Variants in MMP13 observed in about 807,000 individuals in gnomAD.
MMP13 encodes matrix metallopeptidase 13, also known as collagenase 3.
Under a neutral mutation model 52.1 loss-of-function variants are expected in MMP13, and 45 were observed. The observed-to-expected ratio is 0.86, with a 90% CI of 0.68 to 1.11. The LOEUF is 1.11. Ranked by LOEUF, MMP13 falls within the 50% of genes least tolerant of loss-of-function variation. The pLI, the probability that MMP13 is intolerant of heterozygous loss-of-function variation, is 0.00. For missense variants in MMP13, 576 were observed against 583.8 expected, an observed-to-expected ratio of 0.99 and a Z score of 0.14; for synonymous variants, 200 against 204.4, an observed-to-expected ratio of 0.98 and a Z score of 0.18.
At chr11:102,954,325 G>T (rs1400960776) in intron 3 of MMP13, 44 bp from the exon 4 acceptor site, 1 of 1,613,138 alleles carries the variant, frequency 6.2e-7, no homozygotes, top group South Asian at 1.1e-5. Context: ...ACATCCAGGA[G>T]TACTTAGCAC....
chr11:102,946,170 G>C (rs1860503805), intron 8 of MMP13, among the ~76,000 whole-genome samples: 1 of 152,106 alleles, frequency 6.6e-6, no homozygotes, highest in African/African-American at 2.4e-5. Flanking sequence ...AAATATTTAA[G>C]GTTTAATTTC....
At chr11:102,951,238 C>T (rs993004186) in intron 5 of MMP13, among the ~76,000 whole-genome samples, 1 of 152,144 alleles carries the variant, frequency 6.6e-6, no homozygotes, top group Admixed American at 6.6e-5. Flanking sequence ...GAGGTTTCTA[C>T]TGTGCCAGAT....
intron 3 of MMP13, 63 bp downstream of exon 3, chr11:102,954,395 A>C: frequency 2.5e-6 from 4 of 1,595,218 alleles, no homozygotes; most frequent in Middle Eastern, 1.7e-4. Flanking sequence ...GAAATAAATA[A>C]TTTTAAAATG....
intron 7 of MMP13, among the ~76,000 whole-genome samples, chr11:102,948,479 A>G (rs1555016928): frequency 6.6e-6 from 1 of 152,190 alleles, no homozygotes; most frequent in African/African-American, 2.4e-5. Flanking sequence ...AAATAGTTGA[A>G]CAATACAAAC....
intron 9 of MMP13, chr11:102,945,015 G>A (rs141332889): frequency 1.5e-4 from 32 of 210,290 alleles, no homozygotes; most frequent in Admixed American, 5.6e-4. Flanking sequence ...AGGCCGAGGC[G>A]GGTGAATCGC....
In MMP13 at chr11:102,955,453, C is replaced by T; in HGVS notation, c.161G>A (p.Gly54Glu). ...RSYYHPTNLA[G>E]ILKENAASSM... ...GCTTGCTGCATTCTCCTTCAGGATT[C>T]CCGCGAGATTTGTAGGATGGTAGTA... is the stretch of plus-strand genomic sequence containing the variant. Residue 54 changes from glycine to glutamate, a missense_variant, in exon 2 of 10, where the codon GGA becomes GAA. By Grantham distance (98) the Gly-to-Glu change is moderately conservative. Transcript: ENST00000260302. The surrounding 1 kb of genome is among the most constrained non-coding windows in gnomAD (Gnocchi z 4.9). The T allele has an allele frequency of 6.2e-7, 1 of 1,613,972 alleles. No individual in the cohort carries two copies. The highest frequency in any genetic ancestry group is 8.5e-7 in the Non-Finnish European group (1 of 1,179,902).
At chr11:102,950,317 A>C (rs532783898) in intron 5 of MMP13, 90 bp from the exon 6 acceptor site, 248 of 1,034,662 alleles carry the variant, frequency 2.4e-4, no homozygotes, top group Non-Finnish European at 2.7e-4. Context: ...GCTGATGGAC[A>C]GTGGGAGAGG....
At position 102,944,187 on chromosome 11, in the gene MMP13, T is replaced by C. The variant is rs781868012; in HGVS notation, c.*79A>G. ...GAACCAAGCTTTCTCCTGATAGCTC[T>C]TCTTCCCCTACCCCGCACTTCTGGA... On this transcript the variant is annotated 3_prime_UTR_variant, in exon 10 of 10. Transcript: ENST00000260302. 2 of 1,057,638 alleles carry C rather than the reference T, an allele frequency of 1.9e-6. No homozygotes were observed. Among genetic ancestry groups the C allele is most frequent in the Non-Finnish European group, 2.9e-6 (2 of 680,160 alleles). The allele number at this position is 1,057,638 out of a possible 1,614,324, so 65.5% of individuals were successfully genotyped here. A position where few individuals can be genotyped will look rare whatever the true frequency, so the allele number is the denominator to read the frequency against.
Position 102,945,759 on chromosome 11 carries a change from G to GA in MMP13, c.1212-11dup, listed in dbSNP as rs782277300. The GA allele has an allele frequency of 3.7e-5, 51 of 1,381,038 alleles. No individual in the cohort carries two copies. The highest frequency in any genetic ancestry group is 3.6e-4 in the Middle Eastern group (2 of 5,528). 85.5% of individuals were successfully genotyped at this position (1,381,038 alleles called of 1,614,324 possible). A position where few individuals can be genotyped will look rare whatever the true frequency, so the allele number is the denominator to read the frequency against. On this transcript the variant is annotated splice_polypyrimidine_tract_variant and intron_variant, in intron 8 of 9. Transcript: ENST00000260302. ...GTTAGTATCATCATATCTATTTAAA[G>GA]AAAAAAAACTCCTAAGTCAGTTATA...
chr11:102,949,293 A>G lies in MMP13; in HGVS notation c.918-135T>C. On this transcript the variant is annotated intron_variant, in intron 6 of 9. Transcript: ENST00000260302. This position sits in a 1 kb window ranked among gnomAD's most constrained non-coding sequence, Gnocchi z 4.2. ...CCTCCCACCTGTGAAGGGAAAAAAAATTCCATTACCCTTTAAGCGCCAGTG... is the reference window on the plus strand; with the variant it reads ...CCTCCCACCTGTGAAGGGAAAAAAAGTTCCATTACCCTTTAAGCGCCAGTG... The G allele has an allele frequency of 9.0e-7, 1 of 1,105,606 alleles. No individual in the cohort carries two copies. Among genetic ancestry groups the G allele is most frequent in the Non-Finnish European group, 1.3e-6 (1 of 758,092 alleles). 68.5% of individuals were successfully genotyped at this position (1,105,606 alleles called of 1,614,324 possible).
chr11:102,953,570 A>G (rs911264493), intron 4 of MMP13, among the ~76,000 whole-genome samples: 1 of 152,200 alleles, frequency 6.6e-6, no homozygotes, highest in Admixed American at 6.5e-5. Flanking sequence ...ATCTCATTCA[A>G]CATTCAGTTT....
chr11:102,948,144 T>C (rs1405749884), intron 7 of MMP13, 94 bp from the exon 8 acceptor site: 51 of 891,246 alleles, frequency 5.7e-5, no homozygotes, highest in Non-Finnish European at 8.0e-5. Context: ...CACTTTTACA[T>C]TGAGAAATAT....
At chr11:102,947,678 T>C (rs1555016803) in intron 8 of MMP13, among the ~76,000 whole-genome samples, 1 of 141,380 alleles carries the variant, frequency 7.1e-6, no homozygotes, top group Non-Finnish European at 1.6e-5. Context: ...TGTGTGTGTG[T>C]GTGTGTGTGT....
Position 102,944,082 on chromosome 11 carries a change from C to A in MMP13, c.*184G>T. On this transcript the variant is annotated 3_prime_UTR_variant, in exon 10 of 10. Transcript: ENST00000260302. Reference sequence around the variant, plus strand: ...GAGATCCTCCATTTCATTACTCTAACATTCTTCAATGTGGTTCCAGCCACG... The same window carrying A: ...GAGATCCTCCATTTCATTACTCTAAAATTCTTCAATGTGGTTCCAGCCACG... 1 of 596,818 alleles carries A rather than the reference C, an allele frequency of 1.7e-6. No homozygotes were observed. The highest frequency in any genetic ancestry group is 3.2e-6 in the Non-Finnish European group (1 of 316,802). 37.0% of individuals were successfully genotyped at this position (596,818 alleles called of 1,614,324 possible).
chr11:102,954,050 A>T (rs1860653692), intron 4 of MMP13, 106 bp downstream of exon 4: 2 of 1,274,032 alleles, frequency 1.6e-6, no homozygotes, highest in Non-Finnish European at 2.2e-6. Context: ...AAGAAAATAT[A>T]GTCAAATACC....
At chr11:102,950,464 C>G (rs1860593469) in intron 5 of MMP13, among the ~76,000 whole-genome samples, 1 of 151,986 alleles carries the variant, frequency 6.6e-6, no homozygotes, top group South Asian at 2.1e-4. Context: ...ACTTAGGTTT[C>G]TTGAGGTTGA....
Position 102,949,861 on chromosome 11 carries a change from G to C in MMP13, c.917+249C>G, listed in dbSNP as rs72985598. On this transcript the variant is annotated intron_variant, in intron 6 of 9. Transcript: ENST00000260302. The surrounding 1 kb of genome is among the most constrained non-coding windows in gnomAD (Gnocchi z 4.2). ...CAAATGGGATTTCTAGATTTTCTTG[G>C]TTATATTTATAAGAAAGACTGTAAC... 3.1e-3 allele frequency among the ~76,000 whole-genome samples: 470 copies of C among 152,180 alleles called. 5 individuals carry two copies. Among genetic ancestry groups the C allele is most frequent in the African/African-American group, 0.011 (455 of 41,522 alleles).
chr11:102,948,141 A>T, intron 7 of MMP13, 91 bp from the exon 8 acceptor site: 1 of 943,672 alleles, frequency 1.1e-6, no homozygotes, highest in Non-Finnish European at 1.6e-6. Flanking sequence ...GCCCACTTTT[A>T]CATTGAGAAA....
intron 7 of MMP13, among the ~76,000 whole-genome samples, chr11:102,948,674 G>C (rs1337189180): frequency 9.9e-5 from 15 of 152,036 alleles, no homozygotes; most frequent in African/African-American, 1.9e-4. Flanking sequence ...AATAAACTGA[G>C]TTTTCAGAAG....
Sources: gnomAD v4.1 joint callset for allele counts (sites outside exome capture counted in the v4.1 genomes callset) on GRCh38, gnomAD v4.1.1 for gene constraint, Gnocchi (gnomAD v3.1) non-coding constraint, MANE v1.5 for transcripts, NCBI Gene and HGNC (gene_info 2026-07-23, HGNC 2026-07-21) for gene names.